Variants in MARCHF1 observed in about 807,000 individuals in gnomAD.
MARCHF1 encodes E3 ubiquitin-protein ligase MARCHF1.
Under a neutral mutation model 54.2 loss-of-function variants are expected in MARCHF1, and 40 were observed. The observed-to-expected ratio is 0.74, with a 90% CI of 0.57 to 0.96. The LOEUF (loss-of-function observed/expected upper bound fraction) is 0.96. MARCHF1 is among the 40% of genes least tolerant of loss of function. The pLI is 0.00. For synonymous variants in MARCHF1, 236 were observed against 236.3 expected (o/e 1.00, Z 0.01); for missense variants, 586 against 656.5 (o/e 0.89, Z 1.17).
Position 164,367,683 on chromosome 4 carries a change from A to G in MARCHF1, c.-323+16187T>C, listed in dbSNP as rs552146191. 3.3e-5 allele frequency among the ~76,000 whole-genome samples: 5 copies of G among 149,886 alleles called. No individual in the cohort carries two copies. In the East Asian group the frequency reaches 9.8e-4, roughly 29 times the overall value. ...TATTTTCTTTTTCCAATTTTCTACAACGTTTGTTTACATTATGCATATTTC... is the reference window on the plus strand; with the variant it reads ...TATTTTCTTTTTCCAATTTTCTACAGCGTTTGTTTACATTATGCATATTTC... On this transcript the variant is annotated intron_variant, in intron 1 of 9. Transcript: ENST00000514618.
At chr4:164,098,504 T>C (rs1755464029) in intron 2 of MARCHF1, among the ~76,000 whole-genome samples, 1 of 152,206 alleles carries the variant, frequency 6.6e-6, no homozygotes, top group African/African-American at 2.4e-5. Context: ...GAGTTCATGG[T>C]GTACTTCAGT....
intron 2 of MARCHF1, among the ~76,000 whole-genome samples, chr4:164,100,166 T>C (rs75328581): frequency 0.075 from 11,345 of 152,274 alleles, 498 homozygotes; most frequent in East Asian, 0.19. Flanking sequence ...TTCCAAATAA[T>C]GAAACTTTCA....
chr4:164,188,724 G>A (rs879166474), intron 1 of MARCHF1: 8 of 1,041,122 alleles, frequency 7.7e-6, no homozygotes, highest in Non-Finnish European at 9.1e-6. Flanking sequence ...AAGTTCTTGC[G>A]GTTCAAGGTA....
chr4:163,652,084 T>C (rs998555048), intron 5 of MARCHF1, among the ~76,000 whole-genome samples: 1 of 151,840 alleles, frequency 6.6e-6, no homozygotes, highest in African/African-American at 2.4e-5. Flanking sequence ...TCTGCCGTCA[T>C]GTGCAGATGG....
rs574457132 is a variant in MARCHF1 at position 164,017,686 on chromosome 4, G to A, written c.-247-28977C>T. Reference sequence around the variant, plus strand: ...TAAATAAATACATATATTATTGTACGTTTATTTGAGTATCAATATAATTAT... The same window carrying A: ...TAAATAAATACATATATTATTGTACATTTATTTGAGTATCAATATAATTAT... On this transcript the variant is annotated intron_variant, in intron 2 of 9. Transcript: ENST00000514618. Among the ~76,000 whole-genome samples, 47 of 151,776 alleles carry A rather than the reference G, an allele frequency of 3.1e-4. 1 individual carries two copies. In the South Asian group the frequency reaches 4.2e-3, roughly 13 times the overall value.
At chr4:163,755,406 T>G (rs1177319352) in intron 4 of MARCHF1, among the ~76,000 whole-genome samples, 1 of 152,216 alleles carries the variant, frequency 6.6e-6, no homozygotes, top group Admixed American at 6.5e-5. Context: ...AAGCCTACTC[T>G]GCCAGCCTAC....
At chr4:163,925,576 C>T (rs1429602810) in intron 3 of MARCHF1, among the ~76,000 whole-genome samples, 4 of 151,716 alleles carry the variant, frequency 2.6e-5, no homozygotes, top group African/African-American at 4.8e-5. Flanking sequence ...AAAAAATTGT[C>T]TATGAAAATC....
At position 163,807,067 on chromosome 4, in the gene MARCHF1, G is replaced by A. The variant is rs574799228; in HGVS notation, c.111+46954C>T. On this transcript the variant is annotated intron_variant, in intron 4 of 9. Coordinates refer to ENST00000514618, the MANE Select transcript of MARCHF1 (RefSeq NM_001394959.1). ...AGAAACTTCAGTTTGTCAAAAATCC[G>A]AAACAAAATAATAATTGGATCAAAA... Among the ~76,000 whole-genome samples, 255 of 152,128 alleles carry A rather than the reference G, an allele frequency of 1.7e-3. 1 individual carries two copies. The highest frequency in any genetic ancestry group is 6.8e-3 in the Middle Eastern group (2 of 294).
intron 1 of MARCHF1, among the ~76,000 whole-genome samples, chr4:164,250,076 A>T (rs547418574): frequency 5.9e-5 from 9 of 152,128 alleles, no homozygotes; most frequent in Non-Finnish European, 1.3e-4. Context: ...TAGAGAAGAC[A>T]ATCAGTTCAG....
At position 163,998,198 on chromosome 4, in the gene MARCHF1, G is replaced by C. The variant is rs553697301; in HGVS notation, c.-247-9489C>G. Among the ~76,000 whole-genome samples, 7 of 151,388 alleles carry C rather than the reference G, an allele frequency of 4.6e-5. No homozygotes were observed. The East Asian group carries it at 1.4e-3, about 29-fold the overall frequency. On this transcript the variant is annotated intron_variant, in intron 2 of 9. Coordinates refer to ENST00000514618, the MANE Select transcript of MARCHF1 (RefSeq NM_001394959.1). ...TAAGAATAAATCAGAAGACTTATTA[G>C]ATATTATATCATTTTTATAGACTAT...
chr4:164,323,985 G>A (rs1735209401), intron 1 of MARCHF1, among the ~76,000 whole-genome samples: 1 of 151,702 alleles, frequency 6.6e-6, no homozygotes, highest in Non-Finnish European at 1.5e-5. Context: ...ATTTTAGAAA[G>A]ACAGCATAAC....
chr4:163,845,510 G>A (rs550804532), intron 4 of MARCHF1, among the ~76,000 whole-genome samples: 13 of 145,948 alleles, frequency 8.9e-5, no homozygotes, highest in African/African-American at 2.8e-4. Flanking sequence ...CACACGTAAG[G>A]CCTCTCCTAT....
intron 1 of MARCHF1, among the ~76,000 whole-genome samples, chr4:164,217,017 T>G (rs972324755): frequency 6.7e-6 from 1 of 149,912 alleles, no homozygotes; most frequent in South Asian, 2.1e-4. Context: ...GGAGTACAAA[T>G]GTAGAATTAG....
intron 1 of MARCHF1, among the ~76,000 whole-genome samples, chr4:164,113,149 T>C (rs888983782): frequency 6.6e-6 from 1 of 151,948 alleles, no homozygotes; most frequent in African/African-American, 2.4e-5. Flanking sequence ...TATTTTCACA[T>C]ATTATGTAGT....
At chr4:163,981,554 T>C (rs1487585070) in intron 3 of MARCHF1, among the ~76,000 whole-genome samples, 1 of 152,150 alleles carries the variant, frequency 6.6e-6, no homozygotes, top group Non-Finnish European at 1.5e-5. Context: ...ACCTGGAGGT[T>C]ATGAAGGCTG....
intron 1 of MARCHF1, among the ~76,000 whole-genome samples, chr4:164,337,528 A>G (rs4429694): frequency 0.54 from 82,466 of 152,058 alleles, 22,968 homozygotes; most frequent in East Asian, 0.65. Context: ...ATGGATGAGT[A>G]AATGGCTAAG....
At chr4:163,932,365 T>C (rs1436074619) in intron 3 of MARCHF1, among the ~76,000 whole-genome samples, 1 of 152,196 alleles carries the variant, frequency 6.6e-6, no homozygotes, top group Non-Finnish European at 1.5e-5. Context: ...CAGTAGAATG[T>C]TTTTCAAAAC....
At chr4:164,193,682 C>T (rs1380750473) in intron 1 of MARCHF1, among the ~76,000 whole-genome samples, 1 of 152,048 alleles carries the variant, frequency 6.6e-6, no homozygotes, top group African/African-American at 2.4e-5. Context: ...ATCTTCAGTG[C>T]TAGAATAATT....
At chr4:163,715,307 G>A (rs1745224015) in intron 4 of MARCHF1, among the ~76,000 whole-genome samples, 3 of 152,028 alleles carry the variant, frequency 2.0e-5, no homozygotes, top group Admixed American at 6.5e-5. Context: ...GTACAGTGGC[G>A]CGATCTCGGC....
Sources: allele counts gnomAD v4.1 joint callset (sites outside exome capture counted in the v4.1 genomes callset), GRCh38; gene constraint gnomAD v4.1.1; transcripts MANE v1.5; gene names NCBI Gene and HGNC (gene_info 2026-07-23, HGNC 2026-07-21).